OTUD7A: variants seen among roughly 807,000 people sequenced by gnomAD.
The protein encoded by OTUD7A is OTU deubiquitinase 7A.
In OTUD7A, 12 loss-of-function variants were observed where a neutral mutation model predicts 65.7. The observed-to-expected ratio is 0.18, with a 90% CI of 0.12 to 0.30. OTUD7A has a LOEUF of 0.30. OTUD7A is among the 10% of genes least tolerant of loss of function. The pLI, the probability that OTUD7A is intolerant of heterozygous loss-of-function variation, is 1.00. For missense variants in OTUD7A, 1,148 were observed against 1,304.8 expected (o/e 0.88, Z 1.85); for synonymous variants, 641 against 586.3 (o/e 1.09, Z -1.35).
chr15:31,677,813 G>A (rs1484800879), intron 1 of OTUD7A, among the ~76,000 whole-genome samples: 3 of 152,146 alleles, frequency 2.0e-5, no homozygotes, highest in African/African-American at 4.8e-5. Context: ...CAGAGAGTGG[G>A]GTGCTGCTAT....
chr15:31,501,202 C>T (rs1457703154), intron 10 of OTUD7A, among the ~76,000 whole-genome samples: 1 of 152,238 alleles, frequency 6.6e-6, no homozygotes, highest in Non-Finnish European at 1.5e-5. Flanking sequence ...ATTTTAGGCG[C>T]TGCAGGCCTT....
chr15:31,742,413 C>T (rs1174350299), intron 1 of OTUD7A, among the ~76,000 whole-genome samples: 1 of 152,010 alleles, frequency 6.6e-6, no homozygotes, highest in Non-Finnish European at 1.5e-5. Context: ...TGTGTTACAA[C>T]ACATGCATGT....
intron 5 of OTUD7A, 56 bp from the exon 6 acceptor site, chr15:31,530,864 G>A (rs2042076621): frequency 1.4e-6 from 2 of 1,471,762 alleles, no homozygotes; most frequent in South Asian, 1.2e-5. Context: ...GGCCACTGGG[G>A]GTGTTTGCTA....
At chr15:31,521,698 G>A (rs1277287892) in intron 8 of OTUD7A, among the ~76,000 whole-genome samples, 3 of 152,158 alleles carry the variant, frequency 2.0e-5, no homozygotes, top group Non-Finnish European at 4.4e-5. Flanking sequence ...TCCGAAAAAA[G>A]CTAATAAAAA....
At chr15:31,645,710 A>G (rs1223197823) in intron 3 of OTUD7A, among the ~76,000 whole-genome samples, 2 of 152,254 alleles carry the variant, frequency 1.3e-5, no homozygotes, top group Non-Finnish European at 2.9e-5. Flanking sequence ...CAGTATTCAA[A>G]TAATGTGCAT....
rs1293616097 is a variant in OTUD7A at position 31,796,208 on chromosome 15, C to CAT, written c.-100+74298_-100+74299insAT. Among the ~76,000 whole-genome samples, 232 of 143,512 alleles carry CAT rather than the reference C, an allele frequency of 1.6e-3. 2 individuals carry two copies. The highest frequency in any genetic ancestry group is 6.3e-3 in the African/African-American group (221 of 35,294). 94.1% of individuals were successfully genotyped at this position (143,512 alleles called of 152,430 possible). A position where few individuals can be genotyped will look rare whatever the true frequency, so the allele number is the denominator to read the frequency against. ...ATGCATTATCTATCTATCTATCTAT[C>CAT]TATCTATCTATCTATCTATCTATCT... is the stretch of plus-strand genomic sequence containing the variant. On this transcript the variant is annotated intron_variant, in intron 1 of 12. Coordinates refer to ENST00000307050, the MANE Select transcript of OTUD7A (RefSeq NM_001382637.1).
At chr15:31,639,748 A>G (rs1043016260) in intron 3 of OTUD7A, among the ~76,000 whole-genome samples, 2 of 152,196 alleles carry the variant, frequency 1.3e-5, no homozygotes, top group African/African-American at 4.8e-5. Context: ...GCTTTAAGTT[A>G]CATTTCCCTA....
chr15:31,659,796 C>T (rs948375662), intron 1 of OTUD7A, among the ~76,000 whole-genome samples: 1 of 152,220 alleles, frequency 6.6e-6, no homozygotes, highest in African/African-American at 2.4e-5. Context: ...AGCTCGCTCT[C>T]ATCAGGTCTG....
intron 1 of OTUD7A, among the ~76,000 whole-genome samples, chr15:31,843,981 C>T (rs1897245032): frequency 6.6e-6 from 1 of 152,204 alleles, no homozygotes; most frequent in African/African-American, 2.4e-5. Flanking sequence ...CAGGGCCACA[C>T]CTTCAAGTTT....
intron 1 of OTUD7A, among the ~76,000 whole-genome samples, chr15:31,853,537 G>A (rs1344209602): frequency 1.3e-5 from 2 of 152,248 alleles, no homozygotes. Context: ...GGCCCCGCCA[G>A]GAGAAATGGC....
At chr15:31,669,822 C>CCCA in intron 1 of OTUD7A, among the ~76,000 whole-genome samples, 1 of 152,044 alleles carries the variant, frequency 6.6e-6, no homozygotes, top group East Asian at 1.9e-4. Context: ...CAGGGCCTTT[C>CCCA]CCACTGCTTC....
chr15:31,623,542 G>A lies in OTUD7A; in HGVS notation c.151+31554C>T, dbSNP rs186689697. Among the ~76,000 whole-genome samples the A allele has an allele frequency of 3.5e-3, 530 of 152,348 alleles. 1 individual carries two copies. Among genetic ancestry groups the A allele is most frequent in the African/African-American group, 0.012 (483 of 41,584 alleles). On this transcript the variant is annotated intron_variant, in intron 3 of 12. Transcript: ENST00000307050. Reference sequence around the variant, plus strand: ...CTGTGCTAGCAATGAGCGAGGCTCCGTGGGCGTGGGACCCTCCGAGCCAGG... The same window carrying A: ...CTGTGCTAGCAATGAGCGAGGCTCCATGGGCGTGGGACCCTCCGAGCCAGG...
intron 4 of OTUD7A, among the ~76,000 whole-genome samples, chr15:31,565,544 C>T (rs1229282716): frequency 6.6e-6 from 1 of 152,068 alleles, no homozygotes; most frequent in Non-Finnish European, 1.5e-5. Flanking sequence ...AAAATCCATT[C>T]CAATTCCACT....
intron 1 of OTUD7A, among the ~76,000 whole-genome samples, chr15:31,869,467 A>C (rs961874184): frequency 6.6e-5 from 10 of 152,326 alleles, no homozygotes; most frequent in Admixed American, 5.9e-4. Flanking sequence ...TATCTGCCTC[A>C]TCATATTTTT....
chr15:31,669,031 C>T (rs1196267151), intron 1 of OTUD7A, among the ~76,000 whole-genome samples: 2 of 152,182 alleles, frequency 1.3e-5, no homozygotes, highest in African/African-American at 4.8e-5. Context: ...CTGTGGACAC[C>T]AGCACCTGTT....
At chr15:31,687,767 G>C (rs1231255840) in intron 1 of OTUD7A, among the ~76,000 whole-genome samples, 1 of 152,196 alleles carries the variant, frequency 6.6e-6, no homozygotes, top group Non-Finnish European at 1.5e-5. Context: ...GACAAAGAAA[G>C]TCTGAGGTCC....
At chr15:31,650,999 G>C (rs1488415516) in intron 3 of OTUD7A, among the ~76,000 whole-genome samples, 1 of 147,438 alleles carries the variant, frequency 6.8e-6, no homozygotes, top group East Asian at 2.1e-4. Context: ...GAAGTAGTCA[G>C]TCAGTTCATA....
intron 3 of OTUD7A, among the ~76,000 whole-genome samples, chr15:31,652,201 C>T (rs1412940896): frequency 1.3e-5 from 2 of 152,148 alleles, no homozygotes; most frequent in South Asian, 2.1e-4. Flanking sequence ...CCTCAGTTGG[C>T]TTTTCGTCAA....
At chr15:31,651,309 TAGAA>T (rs1016132810) in intron 3 of OTUD7A, among the ~76,000 whole-genome samples, 1 of 149,202 alleles carries the variant, frequency 6.7e-6, no homozygotes, top group African/African-American at 2.5e-5. Context: ...AAACTTGGAA[TAGAA>T]AGAAATTTTC....
Sources: allele counts gnomAD v4.1 joint callset (sites outside exome capture counted in the v4.1 genomes callset), GRCh38; gene constraint gnomAD v4.1.1; transcripts MANE v1.5; gene names NCBI Gene and HGNC (gene_info 2026-07-23, HGNC 2026-07-21).